YPEL3: variants seen among roughly 807,000 people sequenced by gnomAD.
The protein encoded by YPEL3 is protein yippee-like 3.
In YPEL3, 5 loss-of-function variants were observed where a neutral mutation model predicts 17.5. The ratio of observed to expected loss-of-function variants is 0.29; its 90% CI spans 0.15 to 0.60. The LOEUF is 0.60. Ranked by LOEUF, YPEL3 falls within the 20% of genes least tolerant of loss-of-function variation. The probability of loss-of-function intolerance (pLI) is 0.87; values close to 1 mark genes in which losing one functional copy is unlikely to be tolerated. For missense variants in YPEL3, 155 were observed against 211.4 expected, an observed-to-expected ratio of 0.73 and a Z score of 1.65; for synonymous variants, 87 against 87.2, an observed-to-expected ratio of 1.00 and a Z score of 0.01.
rs940468204 is a variant in YPEL3, at chr16:30,092,819, C to A, written c.385-20G>T. 2 of 1,609,620 alleles carry A rather than the reference C, an allele frequency of 1.2e-6. No homozygotes were observed. The stretch of plus-strand genomic sequence containing the variant: ...CTGTTCCTGAAAGGAGGGGCGGGAC[C>A]GTCATCCCCGGAGCAACAGTCTCAC... On this transcript the variant is annotated intron_variant, in intron 3 of 3. Coordinates refer to ENST00000398841, the MANE Select transcript of YPEL3 (RefSeq NM_031477.5).
chr16:30,094,764 C>G, intron 3 of YPEL3, 25 bp downstream of exon 3: 1 of 1,609,202 alleles, frequency 6.2e-7, no homozygotes, highest in South Asian at 1.1e-5. Flanking sequence ...AAAGGCTAGC[C>G]TGGGGTCAGA....
In YPEL3 at chr16:30,092,679, G is replaced by GC; in HGVS notation, c.*30dup. ...TGGCGCTCCCTGGCGGCCAGGCCGG[G>GC]CTGGAGCCACATGCGTCGGGGGAGC... On this transcript the variant is annotated 3_prime_UTR_variant, in exon 4 of 4. Transcript: ENST00000398841. 6.2e-7 allele frequency: 1 copy of GC among 1,610,732 alleles called. No homozygotes were observed. Among genetic ancestry groups the GC allele is most frequent in the East Asian group, 2.2e-5 (1 of 44,874 alleles).
rs1405462184 is a variant in YPEL3, at chr16:30,092,722, G to A, written c.462C>T (p.Asn154=). ...GGGGGAGCGGGGGTCAGTCCCAGCC[G>A]TTGTCTTTGATCATGTGGTTGAGTT... ...IIELNHMIKD[N]GWD Residue 154 remains asparagine (N), a synonymous_variant, in exon 4 of 4, where the codon AAC becomes AAT. Transcript: ENST00000398841. 8 of 1,614,008 alleles carry A rather than the reference G, an allele frequency of 5.0e-6. No individual in the cohort carries two copies. Among genetic ancestry groups the A allele is most frequent in the Admixed American group, 1.7e-5 (1 of 60,012 alleles).
chr16:30,095,573 AG>A lies in YPEL3; in HGVS notation c.-92del, dbSNP rs1179515473. On this transcript the variant is annotated 5_prime_UTR_variant, in exon 1 of 4. Transcript: ENST00000398841. This position sits in a 1 kb window ranked among gnomAD's most constrained non-coding sequence, Gnocchi z 5.4. ...AGCCAGCAGCCTCTCCGGGGACCAG[AG>A]GCGTCTCGGTTTTGACTCAGTGAGG... 8.4e-7 allele frequency: 1 copy of A among 1,187,680 alleles called. No homozygotes were observed. The highest frequency in any genetic ancestry group is 1.1e-6 in the Non-Finnish European group (1 of 875,870). 73.6% of individuals were successfully genotyped at this position (1,187,680 alleles called of 1,614,324 possible).
chr16:30,095,672 C>T lies in YPEL3; in HGVS notation c.-190G>A. The T allele has an allele frequency of 1.8e-6, 1 of 544,024 alleles. No homozygotes were observed. Among genetic ancestry groups the T allele is most frequent in the Non-Finnish European group, 3.2e-6 (1 of 311,944 alleles). 33.7% of individuals were successfully genotyped at this position (544,024 alleles called of 1,614,324 possible). ...GGGTGAGTCACCCGCCTGCTTCCGG[C>T]CTCACCCTTGCTGACCTGGCAGCTG... On this transcript the variant is annotated 5_prime_UTR_variant, in exon 1 of 4. Transcript: ENST00000398841. The surrounding 1 kb of genome is among the most constrained non-coding windows in gnomAD (Gnocchi z 5.4).
In YPEL3 at chr16:30,093,790, G is replaced by A. The variant is rs1175931188; in HGVS notation, c.385-991C>T. 27 of 145,824 alleles carry A rather than the reference G, an allele frequency of 1.9e-4. No homozygotes were observed. In the South Asian group the frequency reaches 5.2e-3, roughly 28 times the overall value. The allele number at this position is 145,824 out of a possible 1,614,324, so 9.0% of individuals were successfully genotyped here. A position where few individuals can be genotyped will look rare whatever the true frequency, so the allele number is the denominator to read the frequency against. On this transcript the variant is annotated intron_variant, in intron 3 of 3. Coordinates refer to ENST00000398841, the MANE Select transcript of YPEL3 (RefSeq NM_031477.5). ...TTTTTGGTAGAGATGGGGTTTCACC[G>A]TGTTAGCCAGGATGGTCTCAATCTC...
At position 30,092,525 on chromosome 16, in the gene YPEL3, G is replaced by A. The variant is rs2072742076; in HGVS notation, c.*185C>T. The stretch of plus-strand genomic sequence containing the variant: ...CCAGCCAGATCGCAGGAGGTGCGGG[G>A]GCGTCGTCCCCCTTCTGTTCTCCCC... On this transcript the variant is annotated 3_prime_UTR_variant, in exon 4 of 4. Transcript: ENST00000398841. 5.2e-6 allele frequency: 3 copies of A among 580,432 alleles called. No individual in the cohort carries two copies. The highest frequency in any genetic ancestry group is 9.1e-6 in the Non-Finnish European group (3 of 329,904). 36.0% of individuals were successfully genotyped at this position (580,432 alleles called of 1,614,324 possible).
Position 30,095,484 on chromosome 16 carries a change from C to T in YPEL3, c.-2G>A. 12 of 1,507,532 alleles carry T rather than the reference C, an allele frequency of 8.0e-6. No individual in the cohort carries two copies. The highest frequency in any genetic ancestry group is 9.7e-6 in the Non-Finnish European group (11 of 1,128,238). The allele number at this position is 1,507,532 out of a possible 1,614,324, so 93.4% of individuals were successfully genotyped here. A position where few individuals can be genotyped will look rare whatever the true frequency, so the allele number is the denominator to read the frequency against. On this transcript the variant is annotated 5_prime_UTR_variant, in exon 1 of 4. Transcript: ENST00000398841. This position sits in a 1 kb window ranked among gnomAD's most constrained non-coding sequence, Gnocchi z 5.4. ...TGTCAGGACCTGGGCCACACACATG[C>T]GAGGCACTCCCAGAGCCGTGGGGAC...
At chr16:30,092,938 AAC>A (rs2072749853) in intron 3 of YPEL3, 139 bp from the exon 4 acceptor site, 9 of 674,114 alleles carry the variant, frequency 1.3e-5, no homozygotes, top group South Asian at 8.9e-5. Context: ...ATTTCTCACA[AAC>A]ACAGAGTAGA....
chr16:30,094,398 T>C, intron 3 of YPEL3: 1 of 209,326 alleles, frequency 4.8e-6, no homozygotes, highest in East Asian at 1.4e-4. Context: ...TTGGGTGATC[T>C]TGGGCAAGTT....
chr16:30,094,659 T>C, intron 3 of YPEL3, 130 bp downstream of exon 3: 1 of 835,446 alleles, frequency 1.2e-6, no homozygotes, highest in South Asian at 1.4e-5. Context: ...AAAGAGAATG[T>C]GGTCAGGGAT....
Position 30,095,405 on chromosome 16 carries a change from G to A in YPEL3, c.78C>T (p.Ala26=), listed in dbSNP as rs1306250430. The A allele has an allele frequency of 6.2e-7, 1 of 1,611,028 alleles. No individual in the cohort carries two copies. Among genetic ancestry groups the A allele is most frequent in the South Asian group, 1.1e-5 (1 of 90,740 alleles). Residue 26 remains alanine, a synonymous_variant, in exon 1 of 4, where the codon GCC becomes GCT. Transcript: ENST00000398841. This position sits in a 1 kb window ranked among gnomAD's most constrained non-coding sequence, Gnocchi z 5.4. ...QALGSLCSPW[A]APRVGPLPPA... ...GGGGCAGTGGCCCCACGCGGGGAGC[G>A]GCCCACGGGGAGCAGAGGGAGCCCA...
Position 30,092,943 on chromosome 16 carries a change from A to T in YPEL3, c.385-144T>A, listed in dbSNP as rs1218087078. Reference sequence around the variant, plus strand: ...GCAGGGCCGTATTTCTCACAAACACAGAGTAGAATAGAACTCCCTGACTCA... The same window carrying T: ...GCAGGGCCGTATTTCTCACAAACACTGAGTAGAATAGAACTCCCTGACTCA... On this transcript the variant is annotated intron_variant, in intron 3 of 3. Coordinates refer to ENST00000398841, the MANE Select transcript of YPEL3 (RefSeq NM_031477.5). 6 of 645,860 alleles carry T rather than the reference A, an allele frequency of 9.3e-6. No homozygotes were observed. In the Admixed American group the frequency reaches 1.3e-4, roughly 14 times the overall value. 40.0% of individuals were successfully genotyped at this position (645,860 alleles called of 1,614,324 possible). A position where few individuals can be genotyped will look rare whatever the true frequency, so the allele number is the denominator to read the frequency against.
At chr16:30,094,339 A>C (rs1756965553) in intron 3 of YPEL3, 1 of 178,742 alleles carries the variant, frequency 5.6e-6, no homozygotes, top group African/African-American at 2.4e-5. Flanking sequence ...TGAAAAAAAA[A>C]AACCAACCAA....
intron 3 of YPEL3, 45 bp downstream of exon 3, chr16:30,094,744 A>T: frequency 6.4e-7 from 1 of 1,564,044 alleles, no homozygotes; most frequent in Non-Finnish European, 8.8e-7. Flanking sequence ...AGGTGTTGGA[A>T]GGTCAGGTCA....
rs767366278 is a variant in YPEL3 at position 30,095,374 on chromosome 16, G to A, written c.109C>T (p.Pro37Ser). The change falls in exon 1 of 4, where the codon CCC becomes TCC. Residue 37 changes from proline (P) to serine (S), a missense_variant. This residue lies in a region of YPEL3 where 58 missense variants were observed against 60.0 expected (regional missense o/e 0.97). Coordinates refer to ENST00000398841, the MANE Select transcript of YPEL3 (RefSeq NM_031477.5). The surrounding 1 kb of genome is among the most constrained non-coding windows in gnomAD (Gnocchi z 5.4). Reference sequence around the variant, plus strand: ...GGCTTTGAAATCCGCACCATGGCGGGGGCCGGGGGCAGTGGCCCCACGCGG... The same window carrying A: ...GGCTTTGAAATCCGCACCATGGCGGAGGCCGGGGGCAGTGGCCCCACGCGG... ...APRVGPLPPAPAMVRISKPKT... is the reference protein window; with the variant it reads ...APRVGPLPPASAMVRISKPKT... The A allele has an allele frequency of 6.2e-7, 1 of 1,613,948 alleles. No individual in the cohort carries two copies. The highest frequency in any genetic ancestry group is 2.2e-5 in the East Asian group (1 of 44,880).
Position 30,092,461 on chromosome 16 carries a change from G to A in YPEL3, c.*249C>T, listed in dbSNP as rs2072741263. Reference sequence around the variant, plus strand: ...AGCAGAACACAGGCCATAACTATAGGGCAGGTGGGGCAGGAACGGGTTAAA... The same window carrying A: ...AGCAGAACACAGGCCATAACTATAGAGCAGGTGGGGCAGGAACGGGTTAAA... On this transcript the variant is annotated 3_prime_UTR_variant, in exon 4 of 4. Transcript: ENST00000398841. The A allele has an allele frequency of 1.9e-6, 1 of 540,324 alleles. No individual in the cohort carries two copies. The highest frequency in any genetic ancestry group is 3.1e-5 in the Admixed American group (1 of 31,868). The allele number at this position is 540,324 out of a possible 1,614,324, so 33.5% of individuals were successfully genotyped here.
intron 3 of YPEL3, chr16:30,094,167 A>G (rs1039424700): frequency 6.3e-6 from 1 of 159,270 alleles, no homozygotes; most frequent in African/African-American, 2.4e-5. Flanking sequence ...AGATAAGGAA[A>G]TGAGACTCAG....
At position 30,095,496 on chromosome 16, in the gene YPEL3, A is replaced by T. The variant is rs1196185454; in HGVS notation, c.-14T>A. ...GGCCACACACATGCGAGGCACTCCC[A>T]GAGCCGTGGGGACTCGCTCTGTCAC... On this transcript the variant is annotated 5_prime_UTR_variant, in exon 1 of 4. Transcript: ENST00000398841. This position sits in a 1 kb window ranked among gnomAD's most constrained non-coding sequence, Gnocchi z 5.4. 4 of 1,486,568 alleles carry T rather than the reference A, an allele frequency of 2.7e-6. No homozygotes were observed. Among genetic ancestry groups the T allele is most frequent in the African/African-American group, 1.4e-5 (1 of 71,030 alleles). 92.1% of individuals were successfully genotyped at this position (1,486,568 alleles called of 1,614,324 possible). A position where few individuals can be genotyped will look rare whatever the true frequency, so the allele number is the denominator to read the frequency against.
Sources: allele counts gnomAD v4.1 joint callset, GRCh38; gene constraint gnomAD v4.1.1; regional missense constraint gnomAD v4.1.1; non-coding constraint Gnocchi (gnomAD v3.1); transcripts MANE v1.5; gene names NCBI Gene and HGNC (gene_info 2026-07-23, HGNC 2026-07-21).